The following BMERB1 variants were observed in gnomAD, a reference collection of about 807,000 sequenced individuals.
BMERB1 encodes bMERB domain containing 1.
A neutral mutation model predicts 23.6 loss-of-function variants in BMERB1; 12 were observed. The observed-to-expected ratio is 0.51, with a 90% CI of 0.33 to 0.82. BMERB1 has a LOEUF of 0.82. Among genes scored for constraint, BMERB1 ranks in the 40% least tolerant of loss-of-function variants. BMERB1 has a pLI of 0.03. For synonymous variants in BMERB1, 122 were observed against 96.6 expected (o/e 1.26, Z -1.54); for missense variants, 247 against 255.4 (o/e 0.97, Z 0.22).
intron 5 of BMERB1, among the ~76,000 whole-genome samples, chr16:15,585,396 C>T (rs2031115764): frequency 6.6e-6 from 1 of 152,148 alleles, no homozygotes; most frequent in East Asian, 1.9e-4. Context: ...AAAATAAAAA[C>T]TATTGTAAAA....
In BMERB1 at chr16:15,514,693, G is replaced by A. The variant is rs188024179; in HGVS notation, c.107-612G>A. ...CTTATAAGGCTGAGGTGGGAGAATC[G>A]CCTGAACCTCAGAGGCAGAGGTTGC... On this transcript the variant is annotated intron_variant, in intron 1 of 5. Transcript: ENST00000300006. Among the ~76,000 whole-genome samples the A allele has an allele frequency of 1.2e-4, 19 of 152,196 alleles. 1 individual carries two copies. The East Asian group carries it at 2.5e-3, about 20-fold the overall frequency.
At chr16:15,550,075 G>A (rs1380882223) in intron 2 of BMERB1, among the ~76,000 whole-genome samples, 4 of 151,008 alleles carry the variant, frequency 2.6e-5, no homozygotes, top group African/African-American at 7.3e-5. Context: ...TCAGCTTCCC[G>A]AGTAGCTGGG....
At chr16:15,447,970 A>C in intron 1 of BMERB1, 1 of 452,728 alleles carries the variant, frequency 2.2e-6, no homozygotes, top group Admixed American at 2.4e-5. Context: ...GCTCACTTCA[A>C]CCTCCACCTC....
rs796533100 is a variant in BMERB1, at chr16:15,484,562, C to T, written c.107-30743C>T. On this transcript the variant is annotated intron_variant, in intron 1 of 5. Coordinates refer to ENST00000300006, the MANE Select transcript of BMERB1 (RefSeq NM_033201.3). Reference sequence around the variant, plus strand: ...GACTACAGGCACACACCGCCACACCCGGCTAATTTTTGTATTTTTAGTAGA... The same window carrying T: ...GACTACAGGCACACACCGCCACACCTGGCTAATTTTTGTATTTTTAGTAGA... Among the ~76,000 whole-genome samples the T allele has an allele frequency of 2.8e-4, 43 of 152,196 alleles. 1 individual carries two copies. Among genetic ancestry groups the T allele is most frequent in the East Asian group, 1.2e-3 (6 of 5,158 alleles).
intron 2 of BMERB1, among the ~76,000 whole-genome samples, chr16:15,565,546 G>A (rs530730340): frequency 2.0e-5 from 3 of 152,196 alleles, no homozygotes; most frequent in Non-Finnish European, 4.4e-5. Flanking sequence ...CAACATAGTA[G>A]ATGTTCAATA....
In BMERB1 at chr16:15,587,525, CTGGACTGGCA is replaced by C. The variant is rs1202780356; in HGVS notation, c.*701_*710del. ...CCTCAGGTGTGTGCCTGGAGGGGGC[CTGGACTGGCA>C]TGGATCCAGTGTGCAGAAGAGCCAG... On this transcript the variant is annotated 3_prime_UTR_variant, in exon 6 of 6. Coordinates refer to ENST00000300006, the MANE Select transcript of BMERB1 (RefSeq NM_033201.3). 2.2e-6 allele frequency: 1 copy of C among 451,058 alleles called. No individual in the cohort carries two copies. Among genetic ancestry groups the C allele is most frequent in the Admixed American group, 2.4e-5 (1 of 42,244 alleles). 27.9% of individuals were successfully genotyped at this position (451,058 alleles called of 1,614,324 possible). A position where few individuals can be genotyped will look rare whatever the true frequency, so the allele number is the denominator to read the frequency against.
At chr16:15,511,895 T>A (rs1176101708) in intron 1 of BMERB1, among the ~76,000 whole-genome samples, 9 of 150,970 alleles carry the variant, frequency 6.0e-5, no homozygotes, top group Non-Finnish European at 2.9e-5. Flanking sequence ...CGCCTGTAGA[T>A]CCACATACTT....
intron 1 of BMERB1, among the ~76,000 whole-genome samples, chr16:15,505,996 A>G (rs561618969): frequency 3.9e-5 from 6 of 152,098 alleles, no homozygotes; most frequent in African/African-American, 1.4e-4. Context: ...TTTTGGAAAC[A>G]CTGTTTTGTA....
intron 1 of BMERB1, among the ~76,000 whole-genome samples, chr16:15,482,960 G>A (rs970714701): frequency 1.1e-4 from 16 of 152,092 alleles, no homozygotes; most frequent in Admixed American, 1.3e-4. Context: ...ACACACACGC[G>A]CGTAAAACAC....
At chr16:15,586,673 C>T in intron 5 of BMERB1, 44 bp from the exon 6 acceptor site, 1 of 1,483,846 alleles carries the variant, frequency 6.7e-7, no homozygotes, top group African/African-American at 1.4e-5. Flanking sequence ...CTCTCTCTCT[C>T]TGTTCCTTTC....
intron 1 of BMERB1, among the ~76,000 whole-genome samples, chr16:15,477,443 A>G (rs1781706008): frequency 1.3e-5 from 2 of 152,140 alleles, no homozygotes; most frequent in South Asian, 2.1e-4. Flanking sequence ...CCATATCAGC[A>G]ACATAGTGAG....
intron 1 of BMERB1, among the ~76,000 whole-genome samples, chr16:15,465,341 G>T (rs2051171589): frequency 7.4e-6 from 1 of 134,602 alleles, no homozygotes; most frequent in African/African-American, 2.6e-5. Flanking sequence ...TTTGGTCAAT[G>T]CTAAGATATA....
At chr16:15,572,848 A>G (rs1414629682) in intron 3 of BMERB1, among the ~76,000 whole-genome samples, 3 of 152,134 alleles carry the variant, frequency 2.0e-5, no homozygotes, top group Non-Finnish European at 4.4e-5. Flanking sequence ...AGTTTCCCCC[A>G]TACTATTCTC....
At chr16:15,547,592 G>T (rs983033314) in intron 2 of BMERB1, among the ~76,000 whole-genome samples, 4 of 151,912 alleles carry the variant, frequency 2.6e-5, no homozygotes, top group Admixed American at 6.6e-5. Context: ...TGATGCATCC[G>T]CCTTGGGCTC....
chr16:15,584,934 G>A (rs2031105131), intron 5 of BMERB1, among the ~76,000 whole-genome samples: 2 of 152,198 alleles, frequency 1.3e-5, no homozygotes, highest in Non-Finnish European at 2.9e-5. Flanking sequence ...GGGGGTACTG[G>A]GATTGGCCAG....
At chr16:15,554,602 C>A (rs1376354789) in intron 2 of BMERB1, among the ~76,000 whole-genome samples, 1 of 150,790 alleles carries the variant, frequency 6.6e-6, no homozygotes, top group East Asian at 1.9e-4. Context: ...AGTTCAAGTC[C>A]AGCCTGGGCA....
chr16:15,556,500 T>C, intron 2 of BMERB1, among the ~76,000 whole-genome samples: 1 of 152,250 alleles, frequency 6.6e-6, no homozygotes, highest in South Asian at 2.1e-4. Context: ...GATCTGGCTG[T>C]GTCTAAAGCG....
chr16:15,489,395 C>G (rs553832959), intron 1 of BMERB1, among the ~76,000 whole-genome samples: 2 of 152,220 alleles, frequency 1.3e-5, no homozygotes, highest in Non-Finnish European at 2.9e-5. Context: ...GTTCCTACCC[C>G]CTCTTTTTGG....
At chr16:15,502,254 G>T (rs1357035309) in intron 1 of BMERB1, 1 of 1,537,860 alleles carries the variant, frequency 6.5e-7, no homozygotes, top group Non-Finnish European at 8.8e-7. Context: ...TGCTTGAGGT[G>T]CCACTGGAGA....
Sources: allele counts gnomAD v4.1 joint callset (sites outside exome capture counted in the v4.1 genomes callset), GRCh38; gene constraint gnomAD v4.1.1; transcripts MANE v1.5; gene names NCBI Gene and HGNC (gene_info 2026-07-23, HGNC 2026-07-21).